ITPR2: variants seen among roughly 807,000 people sequenced by gnomAD.
ITPR2 encodes the protein inositol 1,4,5-trisphosphate receptor type 2.
In ITPR2, 207 loss-of-function variants were observed where a neutral mutation model predicts 317.1. The observed-to-expected ratio is 0.65, with a 90% confidence interval of 0.58 to 0.73. The LOEUF is 0.73. Ranked by LOEUF, ITPR2 falls within the 30% of genes least tolerant of loss-of-function variation. ITPR2 has a pLI of 0.00. For missense variants in ITPR2, 2,613 were observed against 3,284.0 expected, an observed-to-expected ratio of 0.80 and a Z score of 4.99; for synonymous variants, 1,156 against 1,149.1, an observed-to-expected ratio of 1.01 and a Z score of -0.12.
At chr12:26,524,014 T>C (rs79638451) in intron 37 of ITPR2, among the ~76,000 whole-genome samples, 8,060 of 152,286 alleles carry the variant, frequency 0.053, 308 homozygotes, top group African/African-American at 0.1. Flanking sequence ...TTTGGGACTT[T>C]CATAGCAGCA....
chr12:26,533,486 A>G (rs1944000436), intron 37 of ITPR2, among the ~76,000 whole-genome samples: 1 of 152,242 alleles, frequency 6.6e-6, no homozygotes, highest in Non-Finnish European at 1.5e-5. Context: ...CATCTCATCT[A>G]TGAAAAGATT....
At chr12:26,639,861 A>C (rs183770054) in intron 21 of ITPR2, among the ~76,000 whole-genome samples, 2 of 151,992 alleles carry the variant, frequency 1.3e-5, no homozygotes, top group East Asian at 3.9e-4. Context: ...TTCTTAATCC[A>C]GTCTATCGTT....
intron 55 of ITPR2, among the ~76,000 whole-genome samples, chr12:26,373,987 T>C (rs1228379068): frequency 1.3e-5 from 2 of 152,220 alleles, no homozygotes; most frequent in African/African-American, 4.8e-5. Context: ...TTTCTTCTTA[T>C]GTAATTTGGG....
intron 11 of ITPR2, among the ~76,000 whole-genome samples, 189 bp from the exon 12 acceptor site, chr12:26,682,862 G>C (rs1485321044): frequency 6.6e-6 from 1 of 152,188 alleles, no homozygotes; most frequent in East Asian, 1.9e-4. Context: ...TTTTTACCTA[G>C]GTAGTAGTTC....
chr12:26,371,551 C>G (rs762708605), intron 55 of ITPR2, among the ~76,000 whole-genome samples: 5 of 152,120 alleles, frequency 3.3e-5, no homozygotes, highest in Non-Finnish European at 1.5e-5. Context: ...TATAGAGGGC[C>G]TGAGGTCTTT....
intron 45 of ITPR2, among the ~76,000 whole-genome samples, chr12:26,453,496 A>G (rs1941793129): frequency 1.3e-5 from 2 of 152,228 alleles, no homozygotes; most frequent in African/African-American, 4.8e-5. Flanking sequence ...CATTAATAAG[A>G]AAAACATAGA....
intron 37 of ITPR2, among the ~76,000 whole-genome samples, chr12:26,502,873 C>T (rs1943102485): frequency 6.6e-6 from 1 of 152,070 alleles, no homozygotes; most frequent in South Asian, 2.1e-4. Flanking sequence ...AAGTTCTATC[C>T]CCAGATTCTG....
At chr12:26,798,150 C>T (rs1035824646) in intron 1 of ITPR2, among the ~76,000 whole-genome samples, 2 of 152,132 alleles carry the variant, frequency 1.3e-5, no homozygotes, top group African/African-American at 4.8e-5. Context: ...CTATCACAGG[C>T]CCCCACAACC....
chr12:26,683,569 C>A (rs940715963), intron 11 of ITPR2, among the ~76,000 whole-genome samples: 1 of 152,162 alleles, frequency 6.6e-6, no homozygotes. Flanking sequence ...CAGCAACGTA[C>A]ATTAAATAAG....
rs144610455 is a variant in ITPR2 at position 26,793,844 on chromosome 12, A to G, written c.93-3617T>C. Among the ~76,000 whole-genome samples the G allele has an allele frequency of 5.3e-5, 8 of 152,332 alleles. No individual in the cohort carries two copies. The East Asian group carries it at 1.5e-3, about 29-fold the overall frequency. On this transcript the variant is annotated intron_variant, in intron 1 of 56. Transcript: ENST00000381340. ...GTAGGTATGTCCCAGAAAATTATCA[A>G]AAATATCATATCCTGAAAAAGGCCA...
intron 48 of ITPR2, among the ~76,000 whole-genome samples, chr12:26,434,398 T>C (rs1941296718): frequency 6.6e-6 from 1 of 152,188 alleles, no homozygotes; most frequent in Non-Finnish European, 1.5e-5. Flanking sequence ...TTATAACTAT[T>C]ATTGGCCAGG....
chr12:26,686,870 C>T (rs1266853565), intron 10 of ITPR2, among the ~76,000 whole-genome samples: 1 of 152,162 alleles, frequency 6.6e-6, no homozygotes. Flanking sequence ...ATCATTAAGG[C>T]ACTAACGGTA....
rs780453521 is a variant in ITPR2 at position 26,715,225 on chromosome 12, A to G, written c.855+74T>C. ...TCTATCATAAATGATGCCTATAACA[A>G]TAAAACAACAAGCCCAGTGAATCTT... On this transcript the variant is annotated intron_variant, in intron 8 of 56. Coordinates refer to ENST00000381340, the MANE Select transcript of ITPR2 (RefSeq NM_002223.4). 18 of 1,346,934 alleles carry G rather than the reference A, an allele frequency of 1.3e-5. 1 individual carries two copies. Among genetic ancestry groups the G allele is most frequent in the South Asian group, 5.3e-5 (4 of 75,226 alleles). 83.4% of individuals were successfully genotyped at this position (1,346,934 alleles called of 1,614,324 possible).
chr12:26,799,051 A>G (rs1950508337), intron 1 of ITPR2, among the ~76,000 whole-genome samples: 1 of 152,246 alleles, frequency 6.6e-6, no homozygotes, highest in Non-Finnish European at 1.5e-5. Context: ...AATAATGTTG[A>G]CAAACATATA....
intron 41 of ITPR2, among the ~76,000 whole-genome samples, chr12:26,484,626 T>C (rs1942622736): frequency 6.6e-6 from 1 of 152,192 alleles, no homozygotes; most frequent in African/African-American, 2.4e-5. Flanking sequence ...CTTCAACATG[T>C]ACCAATAAAC....
intron 37 of ITPR2, among the ~76,000 whole-genome samples, chr12:26,550,009 T>TAAG (rs1944484715): frequency 6.6e-6 from 1 of 151,904 alleles, no homozygotes; most frequent in Non-Finnish European, 1.5e-5. Context: ...TCCAAGAATA[T>TAAG]AATATAAGAA....
At chr12:26,677,421 G>A (rs1052484309) in intron 13 of ITPR2, among the ~76,000 whole-genome samples, 57 of 151,962 alleles carry the variant, frequency 3.8e-4, no homozygotes, top group African/African-American at 1.4e-3. Flanking sequence ...GCAACACGGC[G>A]AAACCCTGTC....
chr12:26,711,164 T>C lies in ITPR2; in HGVS notation c.951+9A>G. ...AGAAACTTAATACCACTTTATCCAT[T>C]AGTCTTACCTCTGCAGCTAAATAGT... On this transcript the variant is annotated intron_variant, in intron 9 of 56. Coordinates refer to ENST00000381340, the MANE Select transcript of ITPR2 (RefSeq NM_002223.4). The C allele has an allele frequency of 6.3e-7, 1 of 1,588,966 alleles. No individual in the cohort carries two copies. The highest frequency in any genetic ancestry group is 8.6e-7 in the Non-Finnish European group (1 of 1,157,204).
chr12:26,585,238 G>A (rs898656685), intron 32 of ITPR2, among the ~76,000 whole-genome samples: 2 of 151,892 alleles, frequency 1.3e-5, no homozygotes, highest in Non-Finnish European at 2.9e-5. Flanking sequence ...AACCATTCTA[G>A]ATTATGTGTT....
Sources: gnomAD v4.1 joint callset for allele counts (sites outside exome capture counted in the v4.1 genomes callset) on GRCh38, gnomAD v4.1.1 for gene constraint, MANE v1.5 for transcripts, NCBI Gene and HGNC (gene_info 2026-07-23, HGNC 2026-07-21) for gene names.